ZNF423: variants seen among roughly 807,000 people sequenced by gnomAD.
The protein encoded by ZNF423 is Ebf-associated zinc finger protein.
In ZNF423, 12 loss-of-function variants were observed where a neutral mutation model predicts 95.8. The observed-to-expected ratio is 0.13, with a 90% CI of 0.08 to 0.20. The LOEUF is 0.20. Among genes scored for constraint, ZNF423 ranks in the 10% least tolerant of loss-of-function variants. The pLI is 1.00. For missense variants in ZNF423, 1,316 were observed against 1,737.1 expected (o/e 0.76, Z 4.31); for synonymous variants, 749 against 711.9 (o/e 1.05, Z -0.83).
chr16:49,712,759 C>A (rs577520849), intron 3 of ZNF423, among the ~76,000 whole-genome samples: 1 of 152,240 alleles, frequency 6.6e-6, no homozygotes, highest in Non-Finnish European at 1.5e-5. Context: ...CCGGGAGCGG[C>A]GCGATCCGCG....
chr16:49,553,311 CATT>C (rs1969706561), intron 5 of ZNF423, among the ~76,000 whole-genome samples: 1 of 151,924 alleles, frequency 6.6e-6, no homozygotes, highest in Non-Finnish European at 1.5e-5. Flanking sequence ...AAAATGTAAA[CATT>C]ATAATTTATA....
intron 5 of ZNF423, among the ~76,000 whole-genome samples, chr16:49,542,804 G>A (rs1032680609): frequency 6.6e-6 from 1 of 152,234 alleles, no homozygotes; most frequent in Non-Finnish European, 1.5e-5. Context: ...GAAGATGACA[G>A]GCTCTGGGGG....
intron 5 of ZNF423, among the ~76,000 whole-genome samples, chr16:49,583,233 GT>G (rs556555497): frequency 6.6e-6 from 1 of 152,188 alleles, no homozygotes; most frequent in Admixed American, 6.5e-5. Flanking sequence ...GCAATGGTGG[GT>G]TTTTTCATTT....
rs532765833 is a variant in ZNF423, at chr16:49,688,406, C to T, written c.301+42365G>A. Among the ~76,000 whole-genome samples, 8 of 152,292 alleles carry T rather than the reference C, an allele frequency of 5.3e-5. No individual in the cohort carries two copies. The East Asian group carries it at 7.7e-4, about 15-fold the overall frequency. ...TTTCAACAGAAAAGACATAGGAGCCCGCCCTCTTGCTCCATAGAGGGAAGC... is the reference window on the plus strand; with the variant it reads ...TTTCAACAGAAAAGACATAGGAGCCTGCCCTCTTGCTCCATAGAGGGAAGC... On this transcript the variant is annotated intron_variant, in intron 3 of 7. Transcript: ENST00000563137.
At chr16:49,779,012 T>C (rs1458664983) in intron 2 of ZNF423, among the ~76,000 whole-genome samples, 3 of 152,108 alleles carry the variant, frequency 2.0e-5, no homozygotes, top group Admixed American at 1.3e-4. Context: ...CTAATAAGTA[T>C]CTAGACCTCA....
intron 5 of ZNF423, among the ~76,000 whole-genome samples, chr16:49,532,331 A>ACTCAAGACC (rs1968877897): frequency 6.6e-6 from 1 of 151,746 alleles, no homozygotes; most frequent in Non-Finnish European, 1.5e-5. Flanking sequence ...TGTCCTCCTC[A>ACTCAAGACC]CTCAAGACCG....
At chr16:49,719,162 C>A (rs942736284) in intron 3 of ZNF423, among the ~76,000 whole-genome samples, 1 of 152,154 alleles carries the variant, frequency 6.6e-6, no homozygotes, top group African/African-American at 2.4e-5. Context: ...GGCAGCAGGG[C>A]CTCTCTGGGG....
intron 3 of ZNF423, among the ~76,000 whole-genome samples, chr16:49,726,014 AAGCCATATATCAGGCC>A (rs2033004487): frequency 6.6e-6 from 1 of 152,162 alleles, no homozygotes; most frequent in Non-Finnish European, 1.5e-5. Context: ...CTACAACAAA[AAGCCATATATCAGGCC>A]AGCAGCCCCT....
intron 7 of ZNF423, among the ~76,000 whole-genome samples, chr16:49,523,318 A>G (rs1163542774): frequency 6.6e-6 from 1 of 152,234 alleles, no homozygotes; most frequent in Non-Finnish European, 1.5e-5. Context: ...GTGAAATATC[A>G]TTTTACAATA....
At chr16:49,736,256 T>G (rs1035837333) in intron 2 of ZNF423, among the ~76,000 whole-genome samples, 1 of 152,280 alleles carries the variant, frequency 6.6e-6, no homozygotes. Flanking sequence ...AAAGGTGCCA[T>G]TTTTTAGGTC....
intron 1 of ZNF423, chr16:49,854,262 C>T: frequency 1.0e-6 from 1 of 985,322 alleles, no homozygotes; most frequent in Non-Finnish European, 1.2e-6. Flanking sequence ...TAGGAACGGG[C>T]CGGGCGCTCC....
At chr16:49,593,906 A>G (rs1223501805) in intron 5 of ZNF423, among the ~76,000 whole-genome samples, 1 of 152,100 alleles carries the variant, frequency 6.6e-6, no homozygotes, top group African/African-American at 2.4e-5. Context: ...AGAAATCTCT[A>G]TCTGTAAGAG....
At chr16:49,582,359 C>T (rs1024421976) in intron 5 of ZNF423, among the ~76,000 whole-genome samples, 1 of 152,254 alleles carries the variant, frequency 6.6e-6, no homozygotes, top group Non-Finnish European at 1.5e-5. Flanking sequence ...CTGAAGCCCT[C>T]CCCAGCATCC....
chr16:49,832,700 A>G (rs2035073743), intron 1 of ZNF423, among the ~76,000 whole-genome samples: 1 of 152,178 alleles, frequency 6.6e-6, no homozygotes, highest in Non-Finnish European at 1.5e-5. Flanking sequence ...GACCCACTGC[A>G]AGCAGGACCC....
At chr16:49,556,199 A>G (rs894032125) in intron 5 of ZNF423, among the ~76,000 whole-genome samples, 2 of 152,230 alleles carry the variant, frequency 1.3e-5, no homozygotes, top group Non-Finnish European at 2.9e-5. Context: ...ACATACAGAA[A>G]GAGGCAGTCC....
At chr16:49,798,133 C>T (rs2034527678) in intron 1 of ZNF423, among the ~76,000 whole-genome samples, 1 of 152,076 alleles carries the variant, frequency 6.6e-6, no homozygotes, top group Admixed American at 6.6e-5. Context: ...TCACTTGAGC[C>T]CAGGAGTTCG....
At chr16:49,524,212 C>A (rs1968515077) in intron 6 of ZNF423, among the ~76,000 whole-genome samples, 1 of 152,186 alleles carries the variant, frequency 6.6e-6, no homozygotes, top group African/African-American at 2.4e-5. Context: ...AACTGAGGTG[C>A]CAGGAATGTT....
intron 1 of ZNF423, among the ~76,000 whole-genome samples, chr16:49,826,139 G>A (rs2035003028): frequency 6.6e-6 from 1 of 152,218 alleles, no homozygotes; most frequent in Non-Finnish European, 1.5e-5. Flanking sequence ...TTGAGCCCGG[G>A]AGGTCGAGGC....
intron 3 of ZNF423, among the ~76,000 whole-genome samples, chr16:49,727,915 A>T (rs1179423711): frequency 6.6e-6 from 1 of 152,218 alleles, no homozygotes; most frequent in African/African-American, 2.4e-5. Flanking sequence ...CAGCCTGGCC[A>T]GGGGGAGCCT....
Sources: gnomAD v4.1 joint callset for allele counts (sites outside exome capture counted in the v4.1 genomes callset) on GRCh38, gnomAD v4.1.1 for gene constraint, MANE v1.5 for transcripts, NCBI Gene and HGNC (gene_info 2026-07-23, HGNC 2026-07-21) for gene names.